The following TANGO2 variants were observed in gnomAD, a reference collection of about 807,000 sequenced individuals.
TANGO2 encodes the protein transport and golgi organization 2 homolog.
TANGO2 carries 26 observed loss-of-function variants against 39.1 expected under a neutral mutation model. The ratio of observed to expected loss-of-function variants is 0.67; its 90% confidence interval spans 0.49 to 0.92. The LOEUF is 0.92. TANGO2 is among the 40% of genes least tolerant of loss of function. TANGO2 has a pLI of 0.00. For missense variants in TANGO2, 326 were observed against 360.1 expected (o/e 0.91, Z 0.77); for synonymous variants, 131 against 144.5 (o/e 0.91, Z 0.67).
rs186878126 is a variant in TANGO2 at position 20,055,881 on chromosome 22, G to C, written c.381-62G>C. ...CCAGAAACAGGGCTGTGAGATCACC[G>C]GGCAGTGTCGGGGAGGACGCCCTAT... On this transcript the variant is annotated intron_variant, in intron 5 of 8. Transcript: ENST00000327374. 8.8e-5 allele frequency: 124 copies of C among 1,402,628 alleles called. No homozygotes were observed. In the African/African-American group the frequency reaches 1.5e-3, roughly 16 times the overall value. 86.9% of individuals were successfully genotyped at this position (1,402,628 alleles called of 1,614,324 possible).
chr22:20,064,275 G>A (rs1407904479), intron 8 of TANGO2, among the ~76,000 whole-genome samples: 4 of 152,218 alleles, frequency 2.6e-5, no homozygotes. Context: ...ATGCTACACG[G>A]GGAGAGCAGG....
chr22:20,053,984 G>A (rs1209863997), intron 5 of TANGO2: 1 of 339,028 alleles, frequency 2.9e-6, no homozygotes, highest in Non-Finnish European at 5.8e-6. Context: ...TCCGTGAAGT[G>A]AGCATTCCTC....
intron 1 of TANGO2, among the ~76,000 whole-genome samples, chr22:20,030,735 G>T (rs576709183): frequency 6.6e-6 from 1 of 152,238 alleles, no homozygotes; most frequent in African/African-American, 2.4e-5. Context: ...AAAGTGTTGG[G>T]ATTACAGGCG....
chr22:20,017,556 C>T (rs529595740), upstream of TANGO2, among the ~76,000 whole-genome samples: 2 of 152,308 alleles, frequency 1.3e-5, no homozygotes, highest in East Asian at 3.9e-4. Context: ...CCCCATGGGG[C>T]CGCCCTTTCT....
chr22:20,055,943 C>A lies in TANGO2; in HGVS notation c.381C>A (p.Ser127Arg), dbSNP rs1471455689. 6.2e-7 allele frequency: 1 copy of A among 1,613,646 alleles called. No homozygotes were observed. The highest frequency in any genetic ancestry group is 8.5e-7 in the Non-Finnish European group (1 of 1,179,566). ...GACATTCTCTCCCCTTGGCCTGCAG[C>A]ACAGCAAAGGGAGACGTCATTTGCT... Reference protein sequence around the residue: ...NGFNLIAADLSTAKGDVICYY... With the variant: ...NGFNLIAADLRTAKGDVICYY... The change falls in exon 6 of 9, where the codon AGC (serine) becomes AGA (arginine). Residue 127 changes from serine (S) to arginine (R), a missense_variant and splice_region_variant. Ser to Arg is a moderately radical substitution (Grantham distance 110). Coordinates refer to ENST00000327374, the MANE Select transcript of TANGO2 (RefSeq NM_152906.7).
chr22:20,032,593 C>G (rs1235947296), intron 1 of TANGO2, among the ~76,000 whole-genome samples: 1 of 152,268 alleles, frequency 6.6e-6, no homozygotes, highest in African/African-American at 2.4e-5. Context: ...CAAGGACATG[C>G]TGAGAGTTGG....
chr22:20,018,883 C>G (rs1945392275), upstream of TANGO2, among the ~76,000 whole-genome samples: 1 of 152,112 alleles, frequency 6.6e-6, no homozygotes, highest in African/African-American at 2.4e-5. Context: ...AGTTCGAGAC[C>G]AGCCTGGCCA....
chr22:20,024,642 A>G (rs1341075619), intron 1 of TANGO2, among the ~76,000 whole-genome samples: 8 of 152,186 alleles, frequency 5.3e-5, no homozygotes, highest in Admixed American at 6.5e-5. Flanking sequence ...GGGACTCACC[A>G]TGTGCAGCCC....
At chr22:20,045,623 C>A (rs1255672744) in intron 3 of TANGO2, among the ~76,000 whole-genome samples, 1 of 151,158 alleles carries the variant, frequency 6.6e-6, no homozygotes, top group African/African-American at 2.4e-5. Flanking sequence ...CCTGCTTCAG[C>A]CTTCCTAATA....
chr22:20,052,699 G>T, intron 4 of TANGO2, 115 bp downstream of exon 4: 1 of 1,342,264 alleles, frequency 7.5e-7, no homozygotes, highest in Non-Finnish European at 1.0e-6. Context: ...GAGTGGGGCG[G>T]GCCAAGGTAG....
intron 6 of TANGO2, among the ~76,000 whole-genome samples, chr22:20,059,298 T>G (rs1176410423): frequency 6.6e-6 from 1 of 152,194 alleles, no homozygotes; most frequent in East Asian, 1.9e-4. Flanking sequence ...AATGGACACT[T>G]GAGTTTTTTC....
intron 2 of TANGO2, among the ~76,000 whole-genome samples, chr22:20,039,820 GACAGTGCAC>G (rs2043564943): frequency 6.7e-6 from 1 of 149,868 alleles, no homozygotes; most frequent in Non-Finnish European, 1.5e-5. Context: ...CTGTCCCCCA[GACAGTGCAC>G]ACACTCACCC....
At chr22:20,037,181 G>A (rs2043013943) in intron 2 of TANGO2, 15 of 1,415,140 alleles carry the variant, frequency 1.1e-5, no homozygotes, top group African/African-American at 2.9e-5. Context: ...GGACAACGGC[G>A]TCAGTGAGTG....
intron 5 of TANGO2, 108 bp downstream of exon 5, chr22:20,053,659 G>A: frequency 1.3e-6 from 1 of 751,390 alleles, no homozygotes; most frequent in Middle Eastern, 2.3e-4. Flanking sequence ...AGCCTCTCCA[G>A]GGACGTTGCT....
chr22:20,063,128 T>C (rs2048687022), intron 7 of TANGO2: 1 of 547,580 alleles, frequency 1.8e-6, no homozygotes, highest in African/African-American at 1.9e-5. Flanking sequence ...TGCGCTCTAG[T>C]CTGGGCGACA....
chr22:20,055,105 T>G (rs1448757519), intron 5 of TANGO2: 1 of 152,212 alleles, frequency 6.6e-6, no homozygotes, highest in Non-Finnish European at 1.5e-5. Context: ...TCTCTGCATC[T>G]GTTCCATCTT....
intron 2 of TANGO2, among the ~76,000 whole-genome samples, chr22:20,042,624 G>A (rs932861204): frequency 5.9e-5 from 9 of 152,076 alleles, no homozygotes; most frequent in African/African-American, 1.9e-4. Context: ...AATTAGCTGG[G>A]TGTGGTGGCG....
intron 6 of TANGO2, among the ~76,000 whole-genome samples, chr22:20,060,553 C>CAT (rs2048194479): frequency 6.6e-6 from 1 of 152,108 alleles, no homozygotes; most frequent in African/African-American, 2.4e-5. Flanking sequence ...GAGTGAGCCA[C>CAT]CTCTCTTGAC....
rs189049286 is a variant in TANGO2, at chr22:20,029,596, G to A, written c.-39-7164G>A. ...TCATAGATCCTCTGGCCAGGCTTGG[G>A]GGTGTTGAGGGACTCCAGGAGTGTG... is the stretch of plus-strand genomic sequence containing the variant. On this transcript the variant is annotated intron_variant, in intron 1 of 8. Transcript: ENST00000327374. Among the ~76,000 whole-genome samples the A allele has an allele frequency of 1.9e-3, 282 of 152,276 alleles. 2 individuals are homozygous for A. The highest frequency in any genetic ancestry group is 6.1e-3 in the African/African-American group (255 of 41,556).
Sources: allele counts gnomAD v4.1 joint callset (sites outside exome capture counted in the v4.1 genomes callset), GRCh38; gene constraint gnomAD v4.1.1; transcripts MANE v1.5; gene names NCBI Gene and HGNC (gene_info 2026-07-23, HGNC 2026-07-21).